Variants in TRIP10 observed in about 807,000 individuals in gnomAD.
TRIP10 encodes the protein thyroid hormone receptor interactor 10.
In TRIP10, 54 loss-of-function variants were observed where a neutral mutation model predicts 80.9. The observed-to-expected ratio is 0.67, with a 90% confidence interval of 0.54 to 0.84. The LOEUF (loss-of-function observed/expected upper bound fraction) is 0.84. Among genes scored for constraint, TRIP10 ranks in the 40% least tolerant of loss-of-function variants. The probability of loss-of-function intolerance (pLI) is 0.00; values close to 1 mark genes in which losing one functional copy is unlikely to be tolerated. For synonymous variants in TRIP10, 321 were observed against 307.2 expected (o/e 1.04, Z -0.47); for missense variants, 773 against 815.3 (o/e 0.95, Z 0.63).
At chr19:6,742,337 C>T (rs1048919767) in intron 3 of TRIP10, among the ~76,000 whole-genome samples, 5 of 151,892 alleles carry the variant, frequency 3.3e-5, no homozygotes, top group African/African-American at 1.2e-4. Context: ...TTGCAGTGAG[C>T]CAAGATCGCA....
At chr19:6,740,836 G>A (rs1037650078) in intron 1 of TRIP10, 174 bp from the exon 2 acceptor site, 19 of 593,332 alleles carry the variant, frequency 3.2e-5, no homozygotes, top group Non-Finnish European at 4.8e-5. Flanking sequence ...AGGGGAGGGG[G>A]TTCCCGCCAG....
chr19:6,749,848 C>A, intron 11 of TRIP10, 86 bp from the exon 12 acceptor site: 2 of 1,532,490 alleles, frequency 1.3e-6, no homozygotes, highest in East Asian at 2.3e-5. Context: ...AGAATGAGAC[C>A]CTGACTCAAA....
intron 3 of TRIP10, among the ~76,000 whole-genome samples, chr19:6,741,730 A>G (rs1391391200): frequency 2.0e-5 from 3 of 152,158 alleles, no homozygotes; most frequent in Non-Finnish European, 2.9e-5. Flanking sequence ...TGAGTCCCCA[A>G]TTCCAAAATC....
chr19:6,743,934 C>A, intron 7 of TRIP10, 98 bp downstream of exon 7: 1 of 1,472,614 alleles, frequency 6.8e-7, no homozygotes. Context: ...ATGTCCCAGT[C>A]CCTAGATTGA....
At chr19:6,741,860 C>T (rs560341822) in intron 3 of TRIP10, among the ~76,000 whole-genome samples, 3 of 152,154 alleles carry the variant, frequency 2.0e-5, no homozygotes, top group East Asian at 3.9e-4. Context: ...CTCTGTCCCC[C>T]AGGCTGGAGT....
chr19:6,746,343 C>T lies in TRIP10; in HGVS notation c.1153-109C>T, dbSNP rs915187512. The T allele has an allele frequency of 3.5e-5, 54 of 1,538,550 alleles. No homozygotes were observed. Among genetic ancestry groups the T allele is most frequent in the Middle Eastern group, 1.7e-4 (1 of 5,746 alleles). The stretch of plus-strand genomic sequence containing the variant: ...ACCTGCTTTGCTCTGTGCATGGCTT[C>T]GCTGTCAAGAACCATGGCTGGGGAA... On this transcript the variant is annotated intron_variant, in intron 10 of 14. Coordinates refer to ENST00000313244, the MANE Select transcript of TRIP10 (RefSeq NM_001288962.2). The surrounding 1 kb of genome is among the most constrained non-coding windows in gnomAD (Gnocchi z 6.2).
At chr19:6,739,855 G>A in intron 1 of TRIP10, 70 bp downstream of exon 1, 1 of 1,374,312 alleles carries the variant, frequency 7.3e-7, no homozygotes, top group Non-Finnish European at 9.5e-7. Flanking sequence ...TGTCCCCAAT[G>A]TATCTTAGAG....
At chr19:6,750,247 C>T in intron 12 of TRIP10, 45 bp from the exon 13 acceptor site, 1 of 1,608,640 alleles carries the variant, frequency 6.2e-7, no homozygotes, top group East Asian at 2.2e-5. Flanking sequence ...GTGGGCTGAC[C>T]CCGGAGCTCT....
chr19:6,750,357 C>A lies in TRIP10; in HGVS notation c.1461C>A (p.Ala487=). The change falls in exon 13 of 15, where the codon GCC becomes GCA. Residue 487 remains alanine, a synonymous_variant. Coordinates refer to ENST00000313244, the MANE Select transcript of TRIP10 (RefSeq NM_001288962.2). ...GGGGAGACAGCCTGAGCCGGCACGC[C>A]CGGCCTCCCGACCCCCCCGCTAGCG... The part of the protein sequence containing the change: ...SNRGDSLSRH[A]RPPDPPASAP... The A allele has an allele frequency of 1.9e-6, 3 of 1,614,014 alleles. No homozygotes were observed. Among genetic ancestry groups the A allele is most frequent in the Non-Finnish European group, 2.5e-6 (3 of 1,179,986 alleles).
intron 11 of TRIP10, among the ~76,000 whole-genome samples, chr19:6,747,708 G>T (rs972416299): frequency 6.6e-6 from 1 of 151,998 alleles, no homozygotes; most frequent in African/African-American, 2.4e-5. Context: ...TGGGAGAATC[G>T]CTTGAACCTG....
At chr19:6,743,360 T>G in intron 5 of TRIP10, 104 bp downstream of exon 5, 1 of 1,533,154 alleles carries the variant, frequency 6.5e-7, no homozygotes, top group Admixed American at 1.8e-5. Flanking sequence ...GGACCTTCCC[T>G]CCCCCATAGG....
chr19:6,743,101 A>G lies in TRIP10; in HGVS notation c.332A>G (p.Gln111Arg). The stretch of plus-strand genomic sequence containing the variant: ...ACCAAGTACTCACAAGAGATGAAAC[A>G]GGAGAGGAAGATGGTGAGGAGCCCC... Reference protein sequence around the residue: ...ELTKYSQEMKQERKMHFQEGR... With the variant: ...ELTKYSQEMKRERKMHFQEGR... Residue 111 changes from glutamine (Q) to arginine (R), a missense_variant, in exon 4 of 15, where the codon CAG (glutamine) becomes CGG (arginine). Coordinates refer to ENST00000313244, the MANE Select transcript of TRIP10 (RefSeq NM_001288962.2). The G allele has an allele frequency of 1.2e-6, 2 of 1,614,178 alleles. No individual in the cohort carries two copies. Among genetic ancestry groups the G allele is most frequent in the South Asian group, 2.2e-5 (2 of 91,080 alleles).
At position 6,743,732 on chromosome 19, in the gene TRIP10, A is replaced by G. The variant is rs137899128; in HGVS notation, c.538A>G (p.Ser180Gly). 2.7e-5 allele frequency: 44 copies of G among 1,613,958 alleles called. No homozygotes were observed. The highest frequency in any genetic ancestry group is 3.2e-5 in the Non-Finnish European group (38 of 1,179,976). The change falls in exon 7 of 15, where the codon AGT becomes GGT. Residue 180 changes from serine (S) to glycine (G), a missense_variant. By Grantham distance (56) the Ser-to-Gly change is moderately conservative. Coordinates refer to ENST00000313244, the MANE Select transcript of TRIP10 (RefSeq NM_001288962.2). ...EKAKQQAHLR[S>G]HMAEESKNEY... ...GGCCAAGCAGCAAGCCCACCTTCGG[A>G]GTCACATGGCCGAAGAAAGCAAAAA... is the stretch of plus-strand genomic sequence containing the variant.
chr19:6,744,727 G>C lies in TRIP10; in HGVS notation c.789+27G>C. ...TGGGTGCCTGGTCTGGGTCCACTGGGCTACGGGAAGGGCAGAGGGAGGTAC... is the reference window on the plus strand; with the variant it reads ...TGGGTGCCTGGTCTGGGTCCACTGGCCTACGGGAAGGGCAGAGGGAGGTAC... On this transcript the variant is annotated intron_variant, in intron 8 of 14. Coordinates refer to ENST00000313244, the MANE Select transcript of TRIP10 (RefSeq NM_001288962.2). The surrounding 1 kb of genome is among the most constrained non-coding windows in gnomAD (Gnocchi z 4.9). 6.3e-7 allele frequency: 1 copy of C among 1,591,766 alleles called. No homozygotes were observed. Among genetic ancestry groups the C allele is most frequent in the African/African-American group, 1.3e-5 (1 of 74,712 alleles).
In TRIP10 at chr19:6,744,142, C is replaced by CT. The variant is rs1568251652; in HGVS notation, c.642+311dup. On this transcript the variant is annotated intron_variant, in intron 7 of 14. Coordinates refer to ENST00000313244, the MANE Select transcript of TRIP10 (RefSeq NM_001288962.2). The surrounding 1 kb of genome is among the most constrained non-coding windows in gnomAD (Gnocchi z 4.9). ...CCCTGTGCTCAAGTGACCTTTCTTT[C>CT]TTTTTGAAATTCCTACTTATTCTTC... Among the ~76,000 whole-genome samples, 1 of 152,174 alleles carries CT rather than the reference C, an allele frequency of 6.6e-6. No homozygotes were observed.
In TRIP10 at chr19:6,745,774, T is replaced by G. The variant is rs982417346; in HGVS notation, c.985-255T>G. The G allele has an allele frequency of 3.0e-6, 3 of 985,206 alleles. No homozygotes were observed. The African/African-American group carries it at 5.2e-5, about 17-fold the overall frequency. 61.0% of individuals were successfully genotyped at this position (985,206 alleles called of 1,614,324 possible). A position where few individuals can be genotyped will look rare whatever the true frequency, so the allele number is the denominator to read the frequency against. On this transcript the variant is annotated intron_variant, in intron 9 of 14. Coordinates refer to ENST00000313244, the MANE Select transcript of TRIP10 (RefSeq NM_001288962.2). The surrounding 1 kb of genome is among the most constrained non-coding windows in gnomAD (Gnocchi z 7.2). ...GAGTTCTGGCTTTCGGGCTTACAGT[T>G]CAACATCCTCCCCGCCACCTTCCAG...
At chr19:6,741,360 G>A in intron 3 of TRIP10, 79 bp downstream of exon 3, 2 of 1,494,360 alleles carry the variant, frequency 1.3e-6, no homozygotes, top group East Asian at 2.4e-5. Context: ...CCCTCAGCTG[G>A]GACACCCCAC....
chr19:6,740,356 G>A (rs977981754), intron 1 of TRIP10, among the ~76,000 whole-genome samples: 1 of 152,164 alleles, frequency 6.6e-6, no homozygotes, highest in Non-Finnish European at 1.5e-5. Context: ...CCCCCTGGTC[G>A]CCTATAACCT....
At chr19:6,740,195 G>A (rs1023568736) in intron 1 of TRIP10, among the ~76,000 whole-genome samples, 6 of 152,182 alleles carry the variant, frequency 3.9e-5, no homozygotes, top group African/African-American at 1.4e-4. Flanking sequence ...CCCCACCCAC[G>A]TGGGACCTAG....
Sources: gnomAD v4.1 joint callset for allele counts (sites outside exome capture counted in the v4.1 genomes callset) on GRCh38, gnomAD v4.1.1 for gene constraint, Gnocchi (gnomAD v3.1) non-coding constraint, MANE v1.5 for transcripts, NCBI Gene and HGNC (gene_info 2026-07-23, HGNC 2026-07-21) for gene names.